EYS: variants seen among roughly 807,000 people sequenced by gnomAD.
The protein encoded by EYS is EGF-like photoreceptor maintenance factor, also known as protein eyes shut homolog.
In EYS, 250 loss-of-function variants were observed where a neutral mutation model predicts 282.1. The observed-to-expected ratio is 0.89, with a 90% CI of 0.80 to 0.98. The LOEUF (loss-of-function observed/expected upper bound fraction) is 0.98. Among genes scored for constraint, EYS ranks in the 50% least tolerant of loss-of-function variants. The pLI is 0.00. For synonymous variants in EYS, 1,355 were observed against 1,282.9 expected, an observed-to-expected ratio of 1.06 and a Z score of -1.20; for missense variants, 4,016 against 3,709.0, an observed-to-expected ratio of 1.08 and a Z score of -2.15.
rs116403238 is a variant in EYS at position 63,947,580 on chromosome 6, G to A, written c.7055+36803C>T. Among the ~76,000 whole-genome samples, 143 of 152,068 alleles carry A rather than the reference G, an allele frequency of 9.4e-4. 1 individual carries two copies. The highest frequency in any genetic ancestry group is 3.2e-3 in the African/African-American group (133 of 41,476). ...CATATATAATTGGTTTGTGAATCCCGCCCCAACAGTTTCTGAGATTTGCTA... is the reference window on the plus strand; with the variant it reads ...CATATATAATTGGTTTGTGAATCCCACCCCAACAGTTTCTGAGATTTGCTA... On this transcript the variant is annotated intron_variant, in intron 35 of 42. Coordinates refer to ENST00000503581, the MANE Select transcript of EYS (RefSeq NM_001142800.2).
intron 12 of EYS, among the ~76,000 whole-genome samples, chr6:65,176,198 A>G (rs1225386618): frequency 1.3e-5 from 2 of 151,550 alleles, no homozygotes; most frequent in East Asian, 3.9e-4. Context: ...TATTCCTCTT[A>G]CATAACTAAA....
chr6:64,971,735 A>G (rs1253107221), intron 14 of EYS, among the ~76,000 whole-genome samples: 2 of 152,140 alleles, frequency 1.3e-5, no homozygotes, highest in African/African-American at 4.8e-5. Flanking sequence ...AGGGGATCAT[A>G]AGAATATTTA....
intron 1 of EYS, among the ~76,000 whole-genome samples, chr6:65,653,477 C>T (rs1767723146): frequency 6.6e-6 from 1 of 151,926 alleles, no homozygotes; most frequent in African/African-American, 2.4e-5. Flanking sequence ...ATACTGGTGC[C>T]ACTGAGACAA....
intron 31 of EYS, among the ~76,000 whole-genome samples, chr6:64,151,339 AT>A (rs1562226685): frequency 0.024 from 2,892 of 118,514 alleles, 387 homozygotes; most frequent in African/African-American, 0.11. Context: ...ATATATATAT[AT>A]ATATATATAT....
intron 41 of EYS, among the ~76,000 whole-genome samples, chr6:63,759,962 A>T (rs1273293290): frequency 6.6e-6 from 1 of 152,062 alleles, no homozygotes; most frequent in Non-Finnish European, 1.5e-5. Flanking sequence ...AATTGTTGGC[A>T]TGAGAAAAAT....
intron 12 of EYS, among the ~76,000 whole-genome samples, chr6:65,193,512 AT>A (rs941784234): frequency 6.6e-6 from 1 of 151,122 alleles, no homozygotes; most frequent in Non-Finnish European, 1.5e-5. Context: ...TGATGATGCC[AT>A]TTTTTTTTCT....
chr6:64,650,432 A>G (rs1482756008), intron 22 of EYS, among the ~76,000 whole-genome samples: 1 of 152,066 alleles, frequency 6.6e-6, no homozygotes, highest in Non-Finnish European at 1.5e-5. Flanking sequence ...GACTAAAAAC[A>G]AAGAGAAACC....
chr6:64,309,023 G>A (rs1226584852), intron 29 of EYS, among the ~76,000 whole-genome samples: 2 of 151,922 alleles, frequency 1.3e-5, no homozygotes, highest in East Asian at 3.9e-4. Flanking sequence ...TAAAAATAAA[G>A]TTTATGACTA....
At chr6:65,256,099 A>C (rs1166741701) in intron 12 of EYS, among the ~76,000 whole-genome samples, 2 of 152,058 alleles carry the variant, frequency 1.3e-5, no homozygotes, top group African/African-American at 4.8e-5. Context: ...AGCAACCTGC[A>C]TGTCCATCAA....
intron 12 of EYS, among the ~76,000 whole-genome samples, chr6:65,179,598 T>C (rs969291847): frequency 1.3e-5 from 2 of 152,072 alleles, no homozygotes; most frequent in Admixed American, 6.6e-5. Flanking sequence ...CAGGACCAGA[T>C]GGATTCACAG....
chr6:65,139,544 C>T (rs7769439), intron 12 of EYS, among the ~76,000 whole-genome samples: 4,440 of 152,120 alleles, frequency 0.029, 170 homozygotes, highest in African/African-American at 0.089. Flanking sequence ...GCATGCAATT[C>T]ATTTCTATAA....
chr6:65,536,141 G>A (rs966225792), intron 2 of EYS, among the ~76,000 whole-genome samples: 3 of 152,022 alleles, frequency 2.0e-5, no homozygotes, highest in Non-Finnish European at 4.4e-5. Flanking sequence ...ACACTAAATA[G>A]ATAAATTTGA....
At position 65,189,760 on chromosome 6, in the gene EYS, G is replaced by A. The variant is rs1023362562; in HGVS notation, c.2023+106103C>T. Among the ~76,000 whole-genome samples, 154 of 151,722 alleles carry A rather than the reference G, an allele frequency of 1.0e-3. 2 individuals carry two copies. Among genetic ancestry groups the A allele is most frequent in the Non-Finnish European group, 1.2e-4 (8 of 67,818 alleles). ...AAATTGAAATTACTCCCTAAGTGTC[G>A]AGTAGCCTCATCATTCCTGAACAAT... On this transcript the variant is annotated intron_variant, in intron 12 of 42. Coordinates refer to ENST00000503581, the MANE Select transcript of EYS (RefSeq NM_001142800.2).
intron 14 of EYS, among the ~76,000 whole-genome samples, chr6:64,984,699 C>T (rs894695415): frequency 6.6e-6 from 1 of 151,246 alleles, no homozygotes; most frequent in Non-Finnish European, 1.5e-5. Context: ...ATATGTCCTA[C>T]CCAATAAAGA....
intron 9 of EYS, among the ~76,000 whole-genome samples, chr6:65,349,268 C>A (rs887846312): frequency 6.6e-6 from 1 of 151,470 alleles, no homozygotes; most frequent in Admixed American, 6.6e-5. Flanking sequence ...TAATATATGG[C>A]AGAGCTCATT....
At chr6:64,434,389 C>T (rs879687212) in intron 28 of EYS, among the ~76,000 whole-genome samples, 1 of 151,982 alleles carries the variant, frequency 6.6e-6, no homozygotes, top group Non-Finnish European at 1.5e-5. Context: ...ATAAGTTTTA[C>T]GATGATTAGA....
intron 12 of EYS, among the ~76,000 whole-genome samples, chr6:65,149,740 G>C (rs1046861030): frequency 6.6e-6 from 1 of 152,124 alleles, no homozygotes; most frequent in Non-Finnish European, 1.5e-5. Flanking sequence ...CTGTTACAAA[G>C]CTGCTTCCAC....
At chr6:64,426,957 T>C (rs1350608520) in intron 28 of EYS, among the ~76,000 whole-genome samples, 2 of 152,174 alleles carry the variant, frequency 1.3e-5, no homozygotes, top group Non-Finnish European at 2.9e-5. Flanking sequence ...TTGCATTGTT[T>C]CAAATGATAT....
At chr6:65,301,544 AAGACGTGGCAGC>A (rs1311780247) in intron 11 of EYS, among the ~76,000 whole-genome samples, 1 of 152,210 alleles carries the variant, frequency 6.6e-6, no homozygotes, top group Non-Finnish European at 1.5e-5. Flanking sequence ...AGCGAGAAGA[AAGACGTGGCAGC>A]AAGCGGGAGT....
Sources: allele counts gnomAD v4.1 joint callset (sites outside exome capture counted in the v4.1 genomes callset), GRCh38; gene constraint gnomAD v4.1.1; transcripts MANE v1.5; gene names NCBI Gene and HGNC (gene_info 2026-07-23, HGNC 2026-07-21).